Variants in SRGAP2B observed in about 807,000 individuals in gnomAD.
SRGAP2B encodes the protein SLIT-ROBO Rho GTPase-activating protein 2B.
A neutral mutation model predicts 22.2 loss-of-function variants in SRGAP2B; 9 were observed. The observed-to-expected ratio is 0.41, with a 90% CI of 0.24 to 0.71. The LOEUF (loss-of-function observed/expected upper bound fraction) is 0.71, where lower values mean the gene tolerates loss of function less well. Ranked by LOEUF, SRGAP2B falls within the 30% of genes least tolerant of loss-of-function variation. The pLI, the probability that SRGAP2B is intolerant of heterozygous loss-of-function variation, is 0.35. For synonymous variants in SRGAP2B, 36 were observed against 87.4 expected (o/e 0.41, Z 3.28); for missense variants, 114 against 235.8 (o/e 0.48, Z 3.38).
chr1:144,932,348 G>A (rs1665256274), intron 4 of SRGAP2B, among the ~76,000 whole-genome samples: 1 of 151,006 alleles, frequency 6.6e-6, no homozygotes, highest in African/African-American at 2.5e-5. Context: ...TTGTGTCACT[G>A]TGCCTTTCTC....
At position 144,902,686 on chromosome 1, in the gene SRGAP2B, T is replaced by C. The variant is rs1169827437; in HGVS notation, c.831+2405A>G. Among the ~76,000 whole-genome samples, 85 of 141,218 alleles carry C rather than the reference T, an allele frequency of 6.0e-4. 2 individuals carry two copies. The South Asian group carries it at 0.019, about 31-fold the overall frequency. The allele number at this position is 141,218 out of a possible 152,430, so 92.6% of individuals were successfully genotyped here. Reference sequence around the variant, plus strand: ...CTGAGGCAGGAGAATGGCGTGAACCTGGGAGGCGGAGCTTGCAGTGAGCCG... The same window carrying C: ...CTGAGGCAGGAGAATGGCGTGAACCCGGGAGGCGGAGCTTGCAGTGAGCCG... On this transcript the variant is annotated intron_variant, in intron 7 of 9. Transcript: ENST00000612199.
intron 2 of SRGAP2B, among the ~76,000 whole-genome samples, chr1:145,088,453 T>C (rs1394478758): frequency 2.3e-5 from 3 of 132,376 alleles, no homozygotes; most frequent in Non-Finnish European, 4.9e-5. Context: ...CCTAAGACAT[T>C]AAAAAAAAAA....
chr1:145,030,715 AAAAAAAAT>A (rs1558841302), intron 2 of SRGAP2B, among the ~76,000 whole-genome samples: 2 of 69,218 alleles, frequency 2.9e-5, no homozygotes, highest in South Asian at 4.5e-4. Context: ...AAAAAAAAAA[AAAAAAAAT>A]ATATATATAT....
intron 4 of SRGAP2B, among the ~76,000 whole-genome samples, chr1:144,920,812 G>A (rs1664190526): frequency 6.6e-6 from 1 of 150,678 alleles, no homozygotes; most frequent in African/African-American, 2.5e-5. Flanking sequence ...CTGTACTTGA[G>A]GAATTAATAA....
intron 3 of SRGAP2B, among the ~76,000 whole-genome samples, chr1:144,969,691 A>C: frequency 1.3e-5 from 2 of 150,770 alleles, no homozygotes; most frequent in South Asian, 4.1e-4. Context: ...AGAAACTACC[A>C]TCAGAGTGAA....
In SRGAP2B at chr1:144,975,155, C is replaced by T. The variant is rs1188506844; in HGVS notation, c.261-19554G>A. On this transcript the variant is annotated intron_variant, in intron 3 of 9. Coordinates refer to ENST00000612199, the Ensembl canonical transcript of SRGAP2B. ...TCTCTCACTTCTCCTGAATCTGCGCCATCTTTTTTAGTCAAGAGAAAAGGT... is the reference window on the plus strand; with the variant it reads ...TCTCTCACTTCTCCTGAATCTGCGCTATCTTTTTTAGTCAAGAGAAAAGGT... Among the ~76,000 whole-genome samples the T allele has an allele frequency of 1.3e-5, 2 of 149,630 alleles. 1 individual carries two copies. The highest frequency in any genetic ancestry group is 1.3e-4 in the Admixed American group (2 of 15,154).
At chr1:145,010,020 ATG>A (rs1671938427) in intron 2 of SRGAP2B, among the ~76,000 whole-genome samples, 1 of 114,302 alleles carries the variant, frequency 8.7e-6, no homozygotes, top group Admixed American at 9.6e-5. Flanking sequence ...TAATGTAGCC[ATG>A]TCTTAAAAAA....
intron 4 of SRGAP2B, among the ~76,000 whole-genome samples, chr1:144,943,016 GA>G (rs1217030111): frequency 7.5e-6 from 1 of 132,750 alleles, no homozygotes; most frequent in African/African-American, 2.9e-5. Context: ...GATGCTACAT[GA>G]AGTACTAACA....
At chr1:145,067,287 T>TAA (rs782756643) in intron 2 of SRGAP2B, among the ~76,000 whole-genome samples, 11 of 116,812 alleles carry the variant, frequency 9.4e-5, no homozygotes, top group African/African-American at 1.7e-4. Flanking sequence ...AGACTCTGTC[T>TAA]AAAAAAAAAA....
At chr1:145,044,497 A>C (rs1371842059) in intron 2 of SRGAP2B, among the ~76,000 whole-genome samples, 41 of 142,788 alleles carry the variant, frequency 2.9e-4, no homozygotes, top group Non-Finnish European at 4.9e-4. Context: ...TTAGGTATTT[A>C]TCCAGTTTTT....
At chr1:145,061,640 T>C (rs1279549398) in intron 2 of SRGAP2B, among the ~76,000 whole-genome samples, 1 of 149,438 alleles carries the variant, frequency 6.7e-6, no homozygotes, top group Admixed American at 6.6e-5. Context: ...CAGACTGGAG[T>C]GTAGTGGTGT....
chr1:144,985,734 G>C (rs1230804552), intron 3 of SRGAP2B, among the ~76,000 whole-genome samples: 3 of 149,482 alleles, frequency 2.0e-5, no homozygotes, highest in Non-Finnish European at 4.4e-5. Flanking sequence ...CAGAATTTCA[G>C]ACATTAGCAG....
chr1:145,012,099 C>T (rs587746322), intron 2 of SRGAP2B, among the ~76,000 whole-genome samples: 1 of 149,948 alleles, frequency 6.7e-6, no homozygotes, highest in Non-Finnish European at 1.5e-5. Flanking sequence ...TCTGAAAGTG[C>T]CCCGACACTC....
intron 2 of SRGAP2B, among the ~76,000 whole-genome samples, chr1:145,080,785 C>A (rs1330518161): frequency 6.7e-6 from 1 of 149,446 alleles, no homozygotes; most frequent in Non-Finnish European, 1.5e-5. Flanking sequence ...GAACTCCTGA[C>A]CTTAGGTGAT....
intron 4 of SRGAP2B, among the ~76,000 whole-genome samples, chr1:144,921,970 T>TAA (rs2101780939): frequency 7.5e-6 from 1 of 133,124 alleles, no homozygotes; most frequent in South Asian, 2.5e-4. Flanking sequence ...CCCTAAAAGT[T>TAA]GAAATGACTT....
intron 2 of SRGAP2B, among the ~76,000 whole-genome samples, chr1:145,001,887 T>C (rs1162924767): frequency 6.7e-6 from 1 of 148,334 alleles, no homozygotes; most frequent in East Asian, 2.0e-4. Flanking sequence ...GCTGGGGGGG[T>C]GGTGCATGCC....
At chr1:144,932,375 C>T (rs1665259694) in intron 4 of SRGAP2B, among the ~76,000 whole-genome samples, 1 of 151,082 alleles carries the variant, frequency 6.6e-6, no homozygotes, top group African/African-American at 2.5e-5. Flanking sequence ...GCCCTTGACA[C>T]TAATTTAATC....
intron 3 of SRGAP2B, among the ~76,000 whole-genome samples, chr1:144,966,284 G>A (rs1668076464): frequency 6.7e-6 from 1 of 150,114 alleles, no homozygotes; most frequent in Admixed American, 6.6e-5. Context: ...CAGACTAACA[G>A]CAAATCTCTC....
chr1:145,036,389 A>T (rs1262844621), intron 2 of SRGAP2B, among the ~76,000 whole-genome samples: 1 of 141,754 alleles, frequency 7.1e-6, no homozygotes, highest in Non-Finnish European at 1.5e-5. Context: ...TGTAAAAGAG[A>T]GTGCCTTCCT....
Sources: gnomAD v4.1 joint callset for allele counts (sites outside exome capture counted in the v4.1 genomes callset) on GRCh38, gnomAD v4.1.1 for gene constraint, MANE v1.5 for transcripts, NCBI Gene and HGNC (gene_info 2026-07-23, HGNC 2026-07-21) for gene names.